PCDH15: variants seen among roughly 807,000 people sequenced by gnomAD.
PCDH15 encodes the protein protocadherin related 15.
In PCDH15, 129 loss-of-function variants were observed where a neutral mutation model predicts 178.5. The ratio of observed to expected loss-of-function variants is 0.72; its 90% CI spans 0.63 to 0.84. PCDH15 has a LOEUF of 0.84. Among genes scored for constraint, PCDH15 ranks in the 40% least tolerant of loss-of-function variants. PCDH15 has a pLI of 0.00. For synonymous variants in PCDH15, 800 were observed against 732.0 expected (o/e 1.09, Z -1.50); for missense variants, 2,230 against 2,099.9 (o/e 1.06, Z -1.21).
At chr10:54,710,425 C>A (rs866916229) in intron 1 of PCDH15, among the ~76,000 whole-genome samples, 24 of 152,082 alleles carry the variant, frequency 1.6e-4, no homozygotes, top group African/African-American at 5.8e-4. Context: ...GGTTAAATTT[C>A]TGAGCGAAGC....
chr10:53,822,168 A>G lies in PCDH15; in HGVS notation c.4368-1938T>C, dbSNP rs1247527801. 4.3e-6 allele frequency: 7 copies of G among 1,614,072 alleles called. No homozygotes were observed. Among genetic ancestry groups the G allele is most frequent in the Non-Finnish European group, 5.9e-6 (7 of 1,179,974 alleles). On this transcript the variant is annotated intron_variant, in intron 32 of 37. Coordinates refer to ENST00000644397, the MANE Select transcript of PCDH15 (RefSeq NM_001384140.1). ...AGAGGACTTAATTTTCTCGGCAGGCATCAAGTTGGTCGTGCATTTAACACC... is the reference window on the plus strand; with the variant it reads ...AGAGGACTTAATTTTCTCGGCAGGCGTCAAGTTGGTCGTGCATTTAACACC...
chr10:55,384,899 G>A (rs1837614690), intron 2 of PCDH15, among the ~76,000 whole-genome samples: 1 of 151,938 alleles, frequency 6.6e-6, no homozygotes, highest in African/African-American at 2.4e-5. Context: ...AAGCACAATT[G>A]AAAGCAGAGA....
intron 1 of PCDH15, among the ~76,000 whole-genome samples, chr10:55,268,747 A>G (rs934651651): frequency 6.6e-6 from 1 of 152,198 alleles, no homozygotes; most frequent in African/African-American, 2.4e-5. Flanking sequence ...CAGTTGGCAT[A>G]GTGTTTGCAA....
intron 1 of PCDH15, among the ~76,000 whole-genome samples, chr10:54,772,975 G>A (rs982906868): frequency 6.6e-6 from 1 of 152,122 alleles, no homozygotes; most frequent in Non-Finnish European, 1.5e-5. Context: ...GGACGTGGAT[G>A]GAGCTGGAAG....
Position 54,969,278 on chromosome 10 carries a change from C to CT in PCDH15, c.-79-71779dup, listed in dbSNP as rs369925094. On this transcript the variant is annotated intron_variant, in intron 2 of 5. Coordinates refer to the PCDH15 transcript ENST00000458638. The stretch of plus-strand genomic sequence containing the variant: ...AGCAGTGTGATCCTTTTTGGTATGG[C>CT]TTTTTTTATTTATAAGCTGTGTTAA... Among the ~76,000 whole-genome samples, 766 of 152,116 alleles carry CT rather than the reference C, an allele frequency of 5.0e-3. 6 individuals carry two copies. Among genetic ancestry groups the CT allele is most frequent in the African/African-American group, 0.018 (733 of 41,520 alleles).
At chr10:53,872,423 A>G (rs1240573925) in intron 26 of PCDH15, among the ~76,000 whole-genome samples, 3 of 152,274 alleles carry the variant, frequency 2.0e-5, no homozygotes, top group African/African-American at 7.2e-5. Context: ...CTCTTCTTTG[A>G]TATCAGTGAA....
intron 2 of PCDH15, among the ~76,000 whole-genome samples, chr10:54,998,893 G>A (rs1254649308): frequency 6.6e-6 from 1 of 152,106 alleles, no homozygotes; most frequent in East Asian, 1.9e-4. Context: ...TATCCACAAC[G>A]TGTATGTTTT....
chr10:55,546,389 T>C (rs773095738), intron 2 of PCDH15, among the ~76,000 whole-genome samples: 2 of 152,124 alleles, frequency 1.3e-5, no homozygotes, highest in South Asian at 2.1e-4. Context: ...TTATAGAAAA[T>C]GGAAGATGCA....
At chr10:54,405,090 G>A (rs1185879747) in intron 3 of PCDH15, among the ~76,000 whole-genome samples, 1 of 152,040 alleles carries the variant, frequency 6.6e-6, no homozygotes, top group Non-Finnish European at 1.5e-5. Context: ...GGAAGAGAGT[G>A]TGGTGATTCC....
rs146418532 is a variant in PCDH15, at chr10:53,948,011, T to G, written c.3123-7036A>C. On this transcript the variant is annotated intron_variant, in intron 23 of 37. Transcript: ENST00000644397. ...AAAGCTTAAATCCATAAGAATGCGC[T>G]GGAGAAATTTTTTAAACTTACTAAA... Among the ~76,000 whole-genome samples the G allele has an allele frequency of 3.3e-3, 499 of 152,274 alleles. 2 individuals are homozygous for G. Among genetic ancestry groups the G allele is most frequent in the African/African-American group, 0.011 (475 of 41,530 alleles).
rs972493134 is a variant in PCDH15 at position 54,757,106 on chromosome 10, G to A, written c.-29+43819C>T. 3.3e-5 allele frequency among the ~76,000 whole-genome samples: 5 copies of A among 152,268 alleles called. No homozygotes were observed. The South Asian group carries it at 1.0e-3, about 32-fold the overall frequency. ...AAATATAAAAATTTGCTTTATGAAT[G>A]TTCTGCTTCCAGCCGGGGTATATTC... On this transcript the variant is annotated intron_variant, in intron 1 of 37. Transcript: ENST00000644397.
chr10:55,511,944 A>C (rs949155704), intron 2 of PCDH15, among the ~76,000 whole-genome samples: 1 of 151,976 alleles, frequency 6.6e-6, no homozygotes, highest in African/African-American at 2.4e-5. Flanking sequence ...ATTCTTAAGG[A>C]GATTTGGAGA....
intron 20 of PCDH15, among the ~76,000 whole-genome samples, chr10:54,016,260 AAG>A (rs1015608039): frequency 1.6e-5 from 1 of 63,116 alleles, no homozygotes; most frequent in African/African-American, 6.5e-5. Context: ...AAAAGTAAAA[AAG>A]AAAAAAAAAA....
intron 1 of PCDH15, among the ~76,000 whole-genome samples, chr10:54,726,759 A>C (rs1282254171): frequency 1.3e-5 from 2 of 151,046 alleles, no homozygotes; most frequent in Non-Finnish European, 3.0e-5. Context: ...TTGAAAAACA[A>C]TCAAAAGCAC....
At chr10:55,347,592 AT>A (rs1844797251) in intron 2 of PCDH15, among the ~76,000 whole-genome samples, 1 of 152,156 alleles carries the variant, frequency 6.6e-6, no homozygotes, top group Admixed American at 6.6e-5. Flanking sequence ...AGTCATTTCT[AT>A]TTCATGTAAA....
At chr10:55,453,572 A>C (rs968480382) in intron 2 of PCDH15, among the ~76,000 whole-genome samples, 2 of 151,952 alleles carry the variant, frequency 1.3e-5, no homozygotes, top group African/African-American at 4.8e-5. Context: ...ATACTGAAAA[A>C]AGTTTGCCAC....
Position 54,871,700 on chromosome 10 carries a change from T to G in PCDH15, c.-29+25750A>C, listed in dbSNP as rs572372769. On this transcript the variant is annotated intron_variant, in intron 3 of 5. Transcript: ENST00000458638. ...TTTTAATAAAAAATCAACATTACAC[T>G]AATCAGTGGGACCCAGGCTCATAAA... Among the ~76,000 whole-genome samples, 8 of 152,234 alleles carry G rather than the reference T, an allele frequency of 5.3e-5. No individual in the cohort carries two copies. In the South Asian group the frequency reaches 1.7e-3, roughly 32 times the overall value.
At chr10:54,668,201 C>G (rs1469586335) in intron 1 of PCDH15, among the ~76,000 whole-genome samples, 1 of 151,634 alleles carries the variant, frequency 6.6e-6, no homozygotes, top group Non-Finnish European at 1.5e-5. Flanking sequence ...TATCAGTGAA[C>G]AAAGCTGACA....
chr10:55,614,045 C>T (rs1184795755), intron 2 of PCDH15, among the ~76,000 whole-genome samples: 1 of 150,986 alleles, frequency 6.6e-6, no homozygotes, highest in Admixed American at 6.6e-5. Context: ...ACCGGGGAGA[C>T]GGAGCTTGCA....
Sources: allele counts gnomAD v4.1 joint callset (sites outside exome capture counted in the v4.1 genomes callset), GRCh38; gene constraint gnomAD v4.1.1; transcripts MANE v1.5; gene names NCBI Gene and HGNC (gene_info 2026-07-23, HGNC 2026-07-21).